Variants in LRRC20 observed in about 807,000 individuals in gnomAD.
LRRC20 encodes the protein leucine-rich repeat-containing protein 20.
In LRRC20, 11 loss-of-function variants were observed where a neutral mutation model predicts 14.4. The observed-to-expected ratio is 0.77, with a 90% CI of 0.48 to 1.27. The LOEUF (loss-of-function observed/expected upper bound fraction) is 1.27. Ranked by LOEUF, LRRC20 falls within the 50% of genes most tolerant of loss-of-function variation. The pLI is 0.00. For synonymous variants in LRRC20, 121 were observed against 107.3 expected, an observed-to-expected ratio of 1.13 and a Z score of -0.79; for missense variants, 219 against 251.2, an observed-to-expected ratio of 0.87 and a Z score of 0.87.
chr10:70,315,571 G>A (rs188598414), intron 4 of LRRC20, among the ~76,000 whole-genome samples: 2 of 152,236 alleles, frequency 1.3e-5, no homozygotes, highest in East Asian at 3.9e-4. Flanking sequence ...CTATAGACAG[G>A]ATTGCTAACA....
intron 2 of LRRC20, among the ~76,000 whole-genome samples, chr10:70,361,307 C>T (rs1009397981): frequency 6.6e-6 from 1 of 152,184 alleles, no homozygotes; most frequent in East Asian, 1.9e-4. Flanking sequence ...CAGCACTGTC[C>T]GAGGATATGA....
At chr10:70,310,406 C>G (rs1841607975) in intron 4 of LRRC20, among the ~76,000 whole-genome samples, 1 of 152,182 alleles carries the variant, frequency 6.6e-6, no homozygotes, top group African/African-American at 2.4e-5. Flanking sequence ...TCCGCTTTGC[C>G]TTCAATACCA....
In LRRC20 at chr10:70,361,064, AG is replaced by A. The variant is rs531473504; in HGVS notation, c.82+15387del. ...CCCCATCTCTAAAAAAAAAAAAAAA[AG>A]AGAGAGAGAGAGAAAGAGAGAATGA... is the stretch of plus-strand genomic sequence containing the variant. On this transcript the variant is annotated intron_variant, in intron 2 of 4. Coordinates refer to ENST00000446961, the MANE Select transcript of LRRC20 (RefSeq NM_001278212.2). Among the ~76,000 whole-genome samples the A allele has an allele frequency of 8.2e-3, 1,122 of 136,004 alleles. 9 individuals are homozygous for A. The highest frequency in any genetic ancestry group is 0.063 in the South Asian group (247 of 3,926). The allele number at this position is 136,004 out of a possible 152,430, so 89.2% of individuals were successfully genotyped here. A position where few individuals can be genotyped will look rare whatever the true frequency, so the allele number is the denominator to read the frequency against.
intron 2 of LRRC20, among the ~76,000 whole-genome samples, chr10:70,356,431 G>A (rs148180270): frequency 0.038 from 5,743 of 152,252 alleles, 163 homozygotes; most frequent in East Asian, 0.055. Flanking sequence ...TGGGAGGATC[G>A]CTTGAGCTTG....
intron 2 of LRRC20, among the ~76,000 whole-genome samples, chr10:70,354,342 C>G (rs566661585): frequency 6.6e-6 from 1 of 152,252 alleles, no homozygotes; most frequent in South Asian, 2.1e-4. Context: ...GATTCTGATG[C>G]CACATGTCTA....
At chr10:70,331,397 T>C (rs1263107903) in intron 3 of LRRC20, among the ~76,000 whole-genome samples, 4 of 152,272 alleles carry the variant, frequency 2.6e-5, no homozygotes, top group Admixed American at 2.6e-4. Context: ...TTATCTCTTA[T>C]ATGGCCCCAA....
intron 4 of LRRC20, among the ~76,000 whole-genome samples, chr10:70,317,111 C>T (rs1284054292): frequency 1.3e-5 from 2 of 152,218 alleles, no homozygotes; most frequent in East Asian, 3.9e-4. Context: ...GATCCAGGGG[C>T]AGGAGAGAAG....
At chr10:70,326,873 A>G (rs1842346580) in intron 3 of LRRC20, among the ~76,000 whole-genome samples, 1 of 152,108 alleles carries the variant, frequency 6.6e-6, no homozygotes, top group Admixed American at 6.5e-5. Flanking sequence ...GTTAGCCAGG[A>G]TGGTCTCGAT....
intron 4 of LRRC20, among the ~76,000 whole-genome samples, chr10:70,313,641 A>T (rs1841748819): frequency 6.6e-6 from 1 of 152,180 alleles, no homozygotes; most frequent in Non-Finnish European, 1.5e-5. Context: ...CAAAGACAAT[A>T]CCAGCCCCTT....
intron 3 of LRRC20, among the ~76,000 whole-genome samples, chr10:70,334,639 C>T (rs1200221676): frequency 3.3e-5 from 5 of 152,218 alleles, no homozygotes; most frequent in Admixed American, 6.5e-5. Context: ...AGGGACCCAC[C>T]CCGTCCTCAC....
chr10:70,323,815 G>A (rs1320618638), intron 4 of LRRC20, 48 bp downstream of exon 4: 4 of 1,603,708 alleles, frequency 2.5e-6, no homozygotes, highest in Non-Finnish European at 3.4e-6. Context: ...TGTGGCCCAT[G>A]AGCGCCTCGT....
intron 2 of LRRC20, among the ~76,000 whole-genome samples, chr10:70,351,498 G>A (rs1428448750): frequency 1.3e-5 from 2 of 152,170 alleles, no homozygotes; most frequent in Non-Finnish European, 1.5e-5. Context: ...ATTAATAACT[G>A]CCACCCTTCA....
At chr10:70,371,084 A>ATT (rs35518062) in intron 2 of LRRC20, among the ~76,000 whole-genome samples, 3 of 150,548 alleles carry the variant, frequency 2.0e-5, no homozygotes, top group African/African-American at 7.3e-5. Flanking sequence ...CTTAAATCAG[A>ATT]TTTTTTTTTT....
intron 2 of LRRC20, among the ~76,000 whole-genome samples, chr10:70,369,720 AGGGTTGTCATG>A (rs909202111): frequency 6.6e-6 from 1 of 151,302 alleles, no homozygotes; most frequent in African/African-American, 2.4e-5. Context: ...CCTTTGTCAT[AGGGTTGTCATG>A]GGGAATTAAA....
chr10:70,324,934 A>G (rs893767934), intron 3 of LRRC20, among the ~76,000 whole-genome samples: 2 of 149,140 alleles, frequency 1.3e-5, no homozygotes, highest in Non-Finnish European at 2.9e-5. Flanking sequence ...AGGAGCTAAC[A>G]TCATAATGCC....
chr10:70,334,825 T>A (rs1292367067), intron 3 of LRRC20, among the ~76,000 whole-genome samples: 1 of 152,198 alleles, frequency 6.6e-6, no homozygotes, highest in African/African-American at 2.4e-5. Context: ...CCAAGGCGGT[T>A]GCCAGAGGTA....
At chr10:70,371,213 C>A (rs561843679) in intron 2 of LRRC20, among the ~76,000 whole-genome samples, 13 of 151,922 alleles carry the variant, frequency 8.6e-5, no homozygotes, top group African/African-American at 3.1e-4. Flanking sequence ...CATGGCTCAC[C>A]GCAGCCTCAA....
intron 2 of LRRC20, among the ~76,000 whole-genome samples, chr10:70,363,121 AT>A (rs67340138): frequency 0.91 from 134,551 of 147,842 alleles, 61,298 homozygotes; most frequent in Admixed American, 0.95. Flanking sequence ...AAAAAAAAAA[AT>A]TTTAAATTAG....
chr10:70,363,751 G>A (rs898504994), intron 2 of LRRC20, among the ~76,000 whole-genome samples: 22 of 152,182 alleles, frequency 1.4e-4, no homozygotes, highest in Admixed American at 2.0e-4. Context: ...CAGGAGAAGA[G>A]GGAGAAGGGT....
Sources: allele counts gnomAD v4.1 joint callset (sites outside exome capture counted in the v4.1 genomes callset), GRCh38; gene constraint gnomAD v4.1.1; transcripts MANE v1.5; gene names NCBI Gene and HGNC (gene_info 2026-07-23, HGNC 2026-07-21).